LRP1B: variants seen among roughly 807,000 people sequenced by gnomAD.
LRP1B encodes low-density lipoprotein receptor-related protein 1B.
In LRP1B, 217 loss-of-function variants were observed where a neutral mutation model predicts 556.6. The ratio of observed to expected loss-of-function variants is 0.39; its 90% CI spans 0.35 to 0.44. The LOEUF is 0.44. Among genes scored for constraint, LRP1B ranks in the 20% least tolerant of loss-of-function variants. The pLI is 1.00. For missense variants in LRP1B, 5,053 were observed against 5,620.8 expected (o/e 0.90, Z 3.23); for synonymous variants, 2,047 against 1,865.8 (o/e 1.10, Z -2.50).
chr2:141,077,082 T>C (rs1699807255), intron 7 of LRP1B, among the ~76,000 whole-genome samples: 1 of 152,058 alleles, frequency 6.6e-6, no homozygotes, highest in Non-Finnish European at 1.5e-5. Context: ...CCGGCTTTAC[T>C]AAAAATATTT....
intron 49 of LRP1B, among the ~76,000 whole-genome samples, chr2:140,520,282 AG>A (rs900353550): frequency 2.2e-4 from 33 of 152,314 alleles, no homozygotes; most frequent in African/African-American, 7.0e-4. Flanking sequence ...ACCATAGAAA[AG>A]GATGAGTTCA....
chr2:141,043,688 C>T (rs2105436399), intron 11 of LRP1B, among the ~76,000 whole-genome samples: 1 of 151,884 alleles, frequency 6.6e-6, no homozygotes, highest in East Asian at 1.9e-4. Context: ...AGAATGAAGG[C>T]ATACAGTTTA....
intron 15 of LRP1B, among the ~76,000 whole-genome samples, chr2:141,003,239 G>A (rs1697476695): frequency 6.6e-6 from 1 of 151,954 alleles, no homozygotes; most frequent in East Asian, 1.9e-4. Context: ...TAAAAATTAT[G>A]TTTACAAAGA....
chr2:140,432,825 C>T (rs912173906), intron 66 of LRP1B, among the ~76,000 whole-genome samples: 1 of 152,120 alleles, frequency 6.6e-6, no homozygotes, highest in Non-Finnish European at 1.5e-5. Context: ...CCTTATATAG[C>T]AAAACTGTGA....
Position 140,335,680 on chromosome 2 carries a change from G to T in LRP1B, c.12051C>A (p.Asn4017Lys). The T allele has an allele frequency of 6.2e-7, 1 of 1,612,858 alleles. No homozygotes were observed. The highest frequency in any genetic ancestry group is 1.3e-5 in the African/African-American group (1 of 74,930). ...SINVGQLNGP[N>K]CTRLLTNMAG... ...CCATATTTGTTAAGAGTCTGGTGCA[G>T]TTGGGGCCATTCAGCTGCCCTACGT... The change falls in exon 78 of 91, where the codon AAC becomes AAA. Residue 4017 changes from asparagine to lysine, a missense_variant. Asn to Lys is a moderately conservative substitution (Grantham distance 94, BLOSUM62 0). Coordinates refer to ENST00000389484, the MANE Select transcript of LRP1B (RefSeq NM_018557.3).
chr2:141,727,284 G>A (rs1693074966), intron 2 of LRP1B, among the ~76,000 whole-genome samples: 2 of 152,082 alleles, frequency 1.3e-5, no homozygotes, highest in Non-Finnish European at 1.5e-5. Flanking sequence ...CACAGATGAC[G>A]ACCTTGGAGA....
intron 25 of LRP1B, among the ~76,000 whole-genome samples, chr2:140,881,253 A>AGT (rs3063611): frequency 0.51 from 76,154 of 148,934 alleles, 20,749 homozygotes; most frequent in South Asian, 0.67. Context: ...CTTTGCTGTA[A>AGT]GTGTGTGTGT....
intron 55 of LRP1B, among the ~76,000 whole-genome samples, chr2:140,499,830 C>T (rs1440730715): frequency 2.0e-5 from 3 of 151,790 alleles, no homozygotes; most frequent in Non-Finnish European, 4.4e-5. Flanking sequence ...ACATTGTTGA[C>T]CAATACATCA....
chr2:140,520,643 T>C (rs1220439620), intron 49 of LRP1B, among the ~76,000 whole-genome samples: 1 of 151,554 alleles, frequency 6.6e-6, no homozygotes, highest in Non-Finnish European at 1.5e-5. Context: ...AAGTAATAAG[T>C]GTCTATATTT....
intron 2 of LRP1B, among the ~76,000 whole-genome samples, chr2:141,692,553 C>T (rs1691577175): frequency 6.6e-6 from 1 of 151,934 alleles, no homozygotes; most frequent in Non-Finnish European, 1.5e-5. Context: ...ACCTTTTTAG[C>T]CTAAGGGCTT....
At chr2:141,048,219 A>G (rs1337793285) in intron 11 of LRP1B, among the ~76,000 whole-genome samples, 2 of 152,254 alleles carry the variant, frequency 1.3e-5, no homozygotes, top group Middle Eastern at 3.4e-3. Context: ...GACTTTATAC[A>G]TGAGGAAACA....
intron 1 of LRP1B, among the ~76,000 whole-genome samples, chr2:142,048,415 C>A (rs1322686733): frequency 1.3e-5 from 2 of 152,030 alleles, no homozygotes; most frequent in Non-Finnish European, 2.9e-5. Flanking sequence ...CTTTACTTAG[C>A]CTACTTTTGC....
At chr2:140,412,535 C>T (rs34863312) in intron 66 of LRP1B, among the ~76,000 whole-genome samples, 13,351 of 152,036 alleles carry the variant, frequency 0.088, 690 homozygotes, top group Middle Eastern at 0.14. Flanking sequence ...TCTATTGACT[C>T]ACAGCCATCA....
chr2:141,107,332 G>C (rs1191877751), intron 7 of LRP1B, among the ~76,000 whole-genome samples: 3 of 151,982 alleles, frequency 2.0e-5, no homozygotes, highest in Non-Finnish European at 4.4e-5. Flanking sequence ...ATCTTTGAAA[G>C]ATAAATTAAA....
intron 1 of LRP1B, among the ~76,000 whole-genome samples, chr2:142,047,929 T>A (rs1304878072): frequency 6.6e-6 from 1 of 152,014 alleles, no homozygotes; most frequent in Non-Finnish European, 1.5e-5. Flanking sequence ...GCCAAACTAC[T>A]GAAATTCTGG....
intron 2 of LRP1B, among the ~76,000 whole-genome samples, chr2:141,697,450 CTT>C (rs1382694425): frequency 1.3e-5 from 2 of 151,888 alleles, no homozygotes; most frequent in Non-Finnish European, 2.9e-5. Context: ...ACATTTGTTA[CTT>C]TCATATTACA....
intron 7 of LRP1B, among the ~76,000 whole-genome samples, chr2:141,075,236 A>C (rs1699755890): frequency 6.6e-6 from 1 of 152,204 alleles, no homozygotes; most frequent in South Asian, 2.1e-4. Context: ...GGAAAAGAGA[A>C]GAGAGATTCA....
chr2:140,568,201 A>C (rs1223703447), intron 43 of LRP1B, among the ~76,000 whole-genome samples: 1 of 2,536 alleles, frequency 3.9e-4, no homozygotes, highest in African/African-American at 5.5e-4. Flanking sequence ...ACCATGGTCC[A>C]AAAAAAAAAA....
chr2:140,866,849 A>G (rs1559164485), intron 27 of LRP1B, among the ~76,000 whole-genome samples: 1 of 152,086 alleles, frequency 6.6e-6, no homozygotes, highest in African/African-American at 2.4e-5. Context: ...CTACATGCCA[A>G]TGAGTTAGAA....
Sources: allele counts gnomAD v4.1 joint callset (sites outside exome capture counted in the v4.1 genomes callset), GRCh38; gene constraint gnomAD v4.1.1; transcripts MANE v1.5; gene names NCBI Gene and HGNC (gene_info 2026-07-23, HGNC 2026-07-21).